Variants in SEZ6L2 observed in about 807,000 individuals in gnomAD.
SEZ6L2 encodes the protein seizure related 6 homolog like 2.
SEZ6L2 carries 44 observed loss-of-function variants against 97.0 expected under a neutral mutation model. The observed-to-expected ratio is 0.45, with a 90% CI of 0.36 to 0.58. The LOEUF is 0.58. Among genes scored for constraint, SEZ6L2 ranks in the 20% least tolerant of loss-of-function variants. The pLI is 0.00. For missense variants in SEZ6L2, 1,086 were observed against 1,233.3 expected, an observed-to-expected ratio of 0.88 and a Z score of 1.79; for synonymous variants, 543 against 546.1, an observed-to-expected ratio of 0.99 and a Z score of 0.08.
rs2067842100 is a variant in SEZ6L2, at chr16:29,873,831, A to C, written c.2105-102T>G. 9.1e-7 allele frequency: 1 copy of C among 1,095,778 alleles called. No individual in the cohort carries two copies. Among genetic ancestry groups the C allele is most frequent in the Non-Finnish European group, 1.3e-6 (1 of 785,400 alleles). 67.9% of individuals were successfully genotyped at this position (1,095,778 alleles called of 1,614,324 possible). The stretch of plus-strand genomic sequence containing the variant: ...TCTACAAAAAATTGAAAAATTAGCC[A>C]GGAGTGGTGGCGCACTCCTGTGGTT... On this transcript the variant is annotated intron_variant, in intron 12 of 17. Transcript: ENST00000617533. This position sits in a 1 kb window ranked among gnomAD's most constrained non-coding sequence, Gnocchi z 4.3.
chr16:29,871,658 G>T lies in SEZ6L2; in HGVS notation c.*41C>A. Reference sequence around the variant, plus strand: ...GTATTTCCCTCTGCCCGAATGAGGAGGGGAGGGGCGTCCTGGGTCCTGCAG... The same window carrying T: ...GTATTTCCCTCTGCCCGAATGAGGATGGGAGGGGCGTCCTGGGTCCTGCAG... On this transcript the variant is annotated 3_prime_UTR_variant, in exon 18 of 18. Coordinates refer to ENST00000617533, the MANE Select transcript of SEZ6L2 (RefSeq NM_001243332.2). 1.3e-6 allele frequency: 2 copies of T among 1,596,086 alleles called. No homozygotes were observed. Among genetic ancestry groups the T allele is most frequent in the Non-Finnish European group, 1.7e-6 (2 of 1,170,168 alleles).
chr16:29,883,152 G>A (rs745387193), intron 8 of SEZ6L2, among the ~76,000 whole-genome samples: 40 of 152,018 alleles, frequency 2.6e-4, no homozygotes, highest in Non-Finnish European at 5.1e-4. Context: ...TCAAACACTA[G>A]ACCCTCCTAT....
At chr16:29,883,930 CAATAAT>C (rs200466367) in intron 8 of SEZ6L2, among the ~76,000 whole-genome samples, 3 of 151,206 alleles carry the variant, frequency 2.0e-5, no homozygotes, top group Admixed American at 6.6e-5. Flanking sequence ...AGACCTATTT[CAATAAT>C]AATAATAATA....
At chr16:29,883,116 C>T (rs1044952249) in intron 8 of SEZ6L2, among the ~76,000 whole-genome samples, 1 of 152,160 alleles carries the variant, frequency 6.6e-6, no homozygotes, top group African/African-American at 2.4e-5. Context: ...AGCCGAGTGC[C>T]AATTCCATTT....
rs749320393 is a variant in SEZ6L2 at position 29,876,881 on chromosome 16, C to A, written c.1979G>T (p.Gly660Val). ...GAGCACCGTGCCCCGGATCAGGTCC[C>A]CGTGGGATGCCGTTCTCCAGCCCCA... ...PEWGWRTASH[G>V]DLIRGTVLTY... The change falls in exon 12 of 18, where the codon GGG becomes GTG. Residue 660 changes from glycine (G) to valine (V), a missense_variant. Gly to Val is a moderately radical substitution (Grantham distance 109, BLOSUM62 -3). This residue lies in a region of SEZ6L2 where 310 missense variants were observed against 438.6 expected (regional missense o/e 0.71). Transcript: ENST00000617533. The surrounding 1 kb of genome is among the most constrained non-coding windows in gnomAD (Gnocchi z 6.5). 1.9e-6 allele frequency: 3 copies of A among 1,613,516 alleles called. No individual in the cohort carries two copies. The African/African-American group carries it at 4.0e-5, about 22-fold the overall frequency.
rs553736571 is a variant in SEZ6L2, at chr16:29,873,132, G to A, written c.2488+108C>T. ...GACACGAGGCCACAGGAGGAGAACC[G>A]GGAGCTCTGTGGGGTCGCCCATTGG... On this transcript the variant is annotated intron_variant, in intron 14 of 17. Transcript: ENST00000617533. The surrounding 1 kb of genome is among the most constrained non-coding windows in gnomAD (Gnocchi z 4.3). The A allele has an allele frequency of 2.8e-5, 36 of 1,266,742 alleles. No homozygotes were observed. In the Admixed American group the frequency reaches 3.0e-4, roughly 11 times the overall value. 78.5% of individuals were successfully genotyped at this position (1,266,742 alleles called of 1,614,324 possible).
intron 8 of SEZ6L2, among the ~76,000 whole-genome samples, chr16:29,884,875 T>C (rs1401024055): frequency 6.7e-6 from 1 of 149,978 alleles, no homozygotes; most frequent in Non-Finnish European, 1.5e-5. Flanking sequence ...ATCATGACAT[T>C]GCACCCCAGC....
In SEZ6L2 at chr16:29,876,619, G is replaced by A; in HGVS notation, c.2104+137C>T. 1 of 760,740 alleles carries A rather than the reference G, an allele frequency of 1.3e-6. No homozygotes were observed. The highest frequency in any genetic ancestry group is 2.1e-6 in the Non-Finnish European group (1 of 485,556). 47.1% of individuals were successfully genotyped at this position (760,740 alleles called of 1,614,324 possible). A position where few individuals can be genotyped will look rare whatever the true frequency, so the allele number is the denominator to read the frequency against. On this transcript the variant is annotated intron_variant, in intron 12 of 17. Coordinates refer to ENST00000617533, the MANE Select transcript of SEZ6L2 (RefSeq NM_001243332.2). The surrounding 1 kb of genome is among the most constrained non-coding windows in gnomAD (Gnocchi z 6.5). ...TGAGAACTAAAGGGCATGGGGGCAG[G>A]CCTTGAAGAAGATCCAGGAAGGACC... is the stretch of plus-strand genomic sequence containing the variant.
rs532507348 is a variant in SEZ6L2 at position 29,878,524 on chromosome 16, C to T, written c.1574-99G>A. 5 of 921,692 alleles carry T rather than the reference C, an allele frequency of 5.4e-6. No individual in the cohort carries two copies. In the Admixed American group the frequency reaches 1.0e-4, roughly 19 times the overall value. The allele number at this position is 921,692 out of a possible 1,614,324, so 57.1% of individuals were successfully genotyped here. A position where few individuals can be genotyped will look rare whatever the true frequency, so the allele number is the denominator to read the frequency against. ...TCGTGATGCGTGCACCACATCACCT[C>T]GCTTGTTTCCTATTACCTATGATCC... On this transcript the variant is annotated intron_variant, in intron 9 of 17. Coordinates refer to ENST00000617533, the MANE Select transcript of SEZ6L2 (RefSeq NM_001243332.2).
At chr16:29,891,033 C>T (rs1376930682) in intron 5 of SEZ6L2, among the ~76,000 whole-genome samples, 1 of 151,944 alleles carries the variant, frequency 6.6e-6, no homozygotes, top group African/African-American at 2.4e-5. Context: ...CCTCCGTCTC[C>T]CAGGTTCAAG....
Position 29,873,724 on chromosome 16 carries a change from T to C in SEZ6L2, c.2110A>G (p.Thr704Ala). ...AAPPACQKIM[T>A]CADPGEIANG... The stretch of plus-strand genomic sequence containing the variant: ...GCAATCTCGCCAGGGTCAGCACAAG[T>C]CATGACTGGTGGCAGAAGAACAAGG... Residue 704 changes from threonine (T) to alanine (A), a missense_variant, in exon 13 of 18, where the codon ACT (threonine) becomes GCT (alanine). Thr to Ala is a moderately conservative substitution (Grantham distance 58). This residue lies in a region of SEZ6L2 where 310 missense variants were observed against 438.6 expected (regional missense o/e 0.71). Coordinates refer to ENST00000617533, the MANE Select transcript of SEZ6L2 (RefSeq NM_001243332.2). This position sits in a 1 kb window ranked among gnomAD's most constrained non-coding sequence, Gnocchi z 4.3. 2 of 1,577,648 alleles carry C rather than the reference T, an allele frequency of 1.3e-6. No individual in the cohort carries two copies. The highest frequency in any genetic ancestry group is 1.7e-6 in the Non-Finnish European group (2 of 1,163,416).
intron 5 of SEZ6L2, among the ~76,000 whole-genome samples, chr16:29,894,782 G>C (rs1273476382): frequency 6.6e-6 from 1 of 152,134 alleles, no homozygotes; most frequent in Non-Finnish European, 1.5e-5. Context: ...GTGAGTGTGT[G>C]AGATAAGTAT....
chr16:29,876,053 C>A lies in SEZ6L2; in HGVS notation c.2104+703G>T, dbSNP rs2067896690. Among the ~76,000 whole-genome samples the A allele has an allele frequency of 6.6e-6, 1 of 152,126 alleles. No individual in the cohort carries two copies. The highest frequency in any genetic ancestry group is 1.5e-5 in the Non-Finnish European group (1 of 68,032). ...ACTTCGCCACGCCCAGGGCAGCATG[C>A]GCCCTGTGAACTTTCCATCTGCTCT... On this transcript the variant is annotated intron_variant, in intron 12 of 17. Transcript: ENST00000617533. This position sits in a 1 kb window ranked among gnomAD's most constrained non-coding sequence, Gnocchi z 6.5.
At chr16:29,881,802 A>AT (rs1373338832) in intron 8 of SEZ6L2, among the ~76,000 whole-genome samples, 2 of 131,488 alleles carry the variant, frequency 1.5e-5, no homozygotes, top group Non-Finnish European at 1.7e-5. Flanking sequence ...TAATTTTTGT[A>AT]TTTTTTTAGT....
At position 29,897,253 on chromosome 16, in the gene SEZ6L2, C is replaced by T. The variant is rs1168894741; in HGVS notation, c.212-132G>A. 1.0e-5 allele frequency: 8 copies of T among 775,498 alleles called. No individual in the cohort carries two copies. In the East Asian group the frequency reaches 2.0e-4, roughly 19 times the overall value. 48.0% of individuals were successfully genotyped at this position (775,498 alleles called of 1,614,324 possible). On this transcript the variant is annotated intron_variant, in intron 2 of 17. Transcript: ENST00000617533. ...CCTCCCGCACAAGGTACAGCACCCC[C>T]CACCTTTCCCTTCCCCACCCCAGCC... is the stretch of plus-strand genomic sequence containing the variant.
intron 8 of SEZ6L2, among the ~76,000 whole-genome samples, chr16:29,883,987 G>A (rs1171928118): frequency 1.3e-5 from 2 of 151,986 alleles, no homozygotes; most frequent in Non-Finnish European, 2.9e-5. Flanking sequence ...AAGGTGAAAT[G>A]CCTCTTCCTC....
Position 29,873,854 on chromosome 16 carries a change from G to C in SEZ6L2, c.2105-125C>G. ...CCAGGAGTGGTGGCGCACTCCTGTG[G>C]TTCCAGCTACTCAGGAGTTGGAGGC... On this transcript the variant is annotated intron_variant, in intron 12 of 17. Transcript: ENST00000617533. The surrounding 1 kb of genome is among the most constrained non-coding windows in gnomAD (Gnocchi z 4.3). The C allele has an allele frequency of 1.2e-6, 1 of 840,702 alleles. No homozygotes were observed. The highest frequency in any genetic ancestry group is 1.8e-6 in the Non-Finnish European group (1 of 557,886). The allele number at this position is 840,702 out of a possible 1,614,324, so 52.1% of individuals were successfully genotyped here. A position where few individuals can be genotyped will look rare whatever the true frequency, so the allele number is the denominator to read the frequency against.
chr16:29,897,106 G>A lies in SEZ6L2; in HGVS notation c.227C>T (p.Pro76Leu). ...GCCGGCCGGAGGGGTGGCTAGCGTG[G>A]GGTCCCGATCAGATCCTGGGACAGT... The part of the protein sequence containing the change: ...MGYLPGSDRD[P>L]TLATPPAGQT... Residue 76 changes from proline to leucine, a missense_variant, in exon 3 of 18, where the codon CCC (proline) becomes CTC (leucine). Physicochemically the swap from Pro to Leu is moderately conservative, Grantham distance 98. Coordinates refer to ENST00000617533, the MANE Select transcript of SEZ6L2 (RefSeq NM_001243332.2). 6.3e-7 allele frequency: 1 copy of A among 1,575,276 alleles called. No individual in the cohort carries two copies. The highest frequency in any genetic ancestry group is 8.6e-7 in the Non-Finnish European group (1 of 1,167,516).
chr16:29,894,435 A>T (rs1397657607), intron 5 of SEZ6L2, among the ~76,000 whole-genome samples: 7 of 48,902 alleles, frequency 1.4e-4, no homozygotes, highest in Non-Finnish European at 2.6e-4. Flanking sequence ...CCTCCCTCCC[A>T]CCCTTTCCCT....
Sources: gnomAD v4.1 joint callset for allele counts (sites outside exome capture counted in the v4.1 genomes callset) on GRCh38, gnomAD v4.1.1 for gene constraint, gnomAD v4.1.1 regional missense constraint, Gnocchi (gnomAD v3.1) non-coding constraint, MANE v1.5 for transcripts, NCBI Gene and HGNC (gene_info 2026-07-23, HGNC 2026-07-21) for gene names.